RESF1: variants seen among roughly 807,000 people sequenced by gnomAD.
RESF1 encodes the protein gonad expressed transcript.
RESF1 carries 65 observed loss-of-function variants against 134.7 expected under a neutral mutation model. That is an observed-to-expected ratio of 0.48 (90% CI 0.40 to 0.59). RESF1 has a LOEUF of 0.59. RESF1 is among the 20% of genes least tolerant of loss of function. The pLI, the probability that RESF1 is intolerant of heterozygous loss-of-function variation, is 0.00. For synonymous variants in RESF1, 762 were observed against 702.2 expected, an observed-to-expected ratio of 1.09 and a Z score of -1.35; for missense variants, 2,274 against 2,002.7, an observed-to-expected ratio of 1.14 and a Z score of -2.59.
chr12:31,965,261 A>C (rs1007310456), intron 2 of RESF1, among the ~76,000 whole-genome samples: 17 of 151,936 alleles, frequency 1.1e-4, no homozygotes, highest in African/African-American at 4.1e-4. Flanking sequence ...CCTGCCGGCT[A>C]CTCCCTTTTC....
chr12:31,984,745 CAT>C lies in RESF1; in HGVS notation c.3792_3793del (p.His1264GlnfsTer18). 1 of 1,611,526 alleles carries C rather than the reference CAT, an allele frequency of 6.2e-7. No homozygotes were observed. The highest frequency in any genetic ancestry group is 8.5e-7 in the Non-Finnish European group (1 of 1,179,500). ...TAGAAAAGATACACCCAAAACAAAA[CAT>C]AAAAGCTTACCAAGGACAGAACAAG... ...DSRKDTPKTKHKSLPRTEQEL... is the reference protein window; with the variant it reads ...DSRKDTPKTKXKSLPRTEQEL... On this transcript the variant is annotated frameshift_variant, in exon 4 of 6. Transcript: ENST00000312561. LOFTEE classifies it high-confidence loss of function.
intron 1 of RESF1, 108 bp downstream of exon 1, chr12:31,959,599 G>A (rs186502710): frequency 5.3e-5 from 8 of 152,176 alleles, no homozygotes; most frequent in Non-Finnish European, 1.2e-4. Context: ...CCTGCGCGCG[G>A]CGCAGAGCGC....
Position 31,981,624 on chromosome 12 carries a change from A to G in RESF1, c.669A>G (p.Gln223=). ...CAAAGCTATACCGTTACTCACCACAAAGCTTTTTACCAGATTCTACCATTC... is the reference window on the plus strand; with the variant it reads ...CAAAGCTATACCGTTACTCACCACAGAGCTTTTTACCAGATTCTACCATTC... ...PPPKLYRYSP[Q]SFLPDSTIQK... is the part of the protein sequence containing the mutation. The change falls in exon 4 of 6, where the codon CAA becomes CAG. Residue 223 remains glutamine (Q), a synonymous_variant. Coordinates refer to ENST00000312561, the MANE Select transcript of RESF1 (RefSeq NM_018169.4). 6.2e-7 allele frequency: 1 copy of G among 1,614,094 alleles called. No homozygotes were observed. The highest frequency in any genetic ancestry group is 1.1e-5 in the South Asian group (1 of 91,076).
chr12:31,983,082 T>C lies in RESF1; in HGVS notation c.2127T>C (p.Ala709=), dbSNP rs767735499. 1 of 1,613,604 alleles carries C rather than the reference T, an allele frequency of 6.2e-7. No homozygotes were observed. The highest frequency in any genetic ancestry group is 8.5e-7 in the Non-Finnish European group (1 of 1,179,936). The change falls in exon 4 of 6, where the codon GCT becomes GCC. Residue 709 remains alanine, a synonymous_variant. Coordinates refer to ENST00000312561, the MANE Select transcript of RESF1 (RefSeq NM_018169.4). ...CAGCAGTTGGAATTTCAAAGCCTGC[T>C]AACATCCACGTTAAGAGTCCTTGTT... ...NTTAVGISKP[A]NIHVKSPCSV...
At position 31,981,441 on chromosome 12, in the gene RESF1, T is replaced by C. The variant is rs1939787903; in HGVS notation, c.486T>C (p.Tyr162=). Residue 162 remains tyrosine (Y), a synonymous_variant, in exon 4 of 6, where the codon TAT becomes TAC. Transcript: ENST00000312561. ...LQSQLITSDT[Y]SMQMQMIPSN... ...GTCAACTGATAACATCAGATACCTA[T>C]TCTATGCAAATGCAGATGATCCCTT... 1.2e-6 allele frequency: 2 copies of C among 1,614,038 alleles called. No individual in the cohort carries two copies. Among genetic ancestry groups the C allele is most frequent in the East Asian group, 2.2e-5 (1 of 44,888 alleles).
In RESF1 at chr12:31,981,106, A is replaced by G. The variant is rs762367962; in HGVS notation, c.151A>G (p.Met51Val). The change falls in exon 4 of 6, where the codon ATG becomes GTG. Residue 51 changes from methionine (M) to valine (V), a missense_variant. Met to Val is a conservative substitution (Grantham distance 21). Coordinates refer to ENST00000312561, the MANE Select transcript of RESF1 (RefSeq NM_018169.4). ...TCCTGGAAGTAACCAAGAAGCATGC[A>G]TGTATCCCGGTAATTCAAATCCAAT... ...SYPGSNQEAC[M>V]YPGNSNPISQ... is the part of the protein sequence containing the mutation. The G allele has an allele frequency of 2.3e-5, 37 of 1,614,078 alleles. No homozygotes were observed. Among genetic ancestry groups the G allele is most frequent in the African/African-American group, 1.3e-5 (1 of 74,944 alleles).
Position 31,984,747 on chromosome 12 carries a change from T to G in RESF1, c.3792T>G (p.His1264Gln). Residue 1264 changes from histidine (H) to glutamine (Q), a missense_variant, in exon 4 of 6, where the codon CAT (histidine) becomes CAG (glutamine). Transcript: ENST00000312561. ...DSRKDTPKTK[H>Q]KSLPRTEQEL... ...GAAAAGATACACCCAAAACAAAACA[T>G]AAAAGCTTACCAAGGACAGAACAAG... 1 of 1,611,524 alleles carries G rather than the reference T, an allele frequency of 6.2e-7. No homozygotes were observed.
intron 3 of RESF1, among the ~76,000 whole-genome samples, chr12:31,976,087 T>C (rs1016895663): frequency 4.6e-5 from 7 of 152,226 alleles, no homozygotes; most frequent in African/African-American, 1.4e-4. Flanking sequence ...CTTGCCAACA[T>C]GTGGTATTGA....
chr12:31,990,771 G>A (rs937804689), intron 5 of RESF1, among the ~76,000 whole-genome samples: 5 of 152,196 alleles, frequency 3.3e-5, no homozygotes, highest in Admixed American at 6.5e-5. Flanking sequence ...TATTAGGGGC[G>A]AGTGAAGCTG....
intron 3 of RESF1, among the ~76,000 whole-genome samples, chr12:31,980,541 T>C (rs993736221): frequency 1.3e-5 from 2 of 152,236 alleles, no homozygotes; most frequent in African/African-American, 2.4e-5. Flanking sequence ...AATTCTCATT[T>C]TTATTGTCAT....
At chr12:31,977,801 CTT>C (rs3075963) in intron 3 of RESF1, among the ~76,000 whole-genome samples, 19,728 of 123,442 alleles carry the variant, frequency 0.16, 1,507 homozygotes, top group African/African-American at 0.26. Context: ...TTCTTTCTTT[CTT>C]TTTTTTTTTT....
Position 31,981,950 on chromosome 12 carries a change from G to A in RESF1, c.995G>A (p.Ser332Asn). The A allele has an allele frequency of 6.2e-7, 1 of 1,614,172 alleles. No individual in the cohort carries two copies. Among genetic ancestry groups the A allele is most frequent in the Non-Finnish European group, 8.5e-7 (1 of 1,180,026 alleles). The change falls in exon 4 of 6, where the codon AGC (serine) becomes AAC (asparagine). Residue 332 changes from serine to asparagine, a missense_variant. By Grantham distance (46) the Ser-to-Asn change is conservative (BLOSUM62 1). Coordinates refer to ENST00000312561, the MANE Select transcript of RESF1 (RefSeq NM_018169.4). The part of the protein sequence containing the change: ...QQWQNPNENV[S>N]TIGNFTNLKV... ...TGGCAAAACCCTAATGAAAATGTCA[G>A]CACAATTGGAAATTTCACTAACTTG...
At position 31,992,418 on chromosome 12, in the gene RESF1, A is replaced by C. The variant is rs1234415752; in HGVS notation, c.5127A>C (p.Ala1709=). 1 of 1,613,760 alleles carries C rather than the reference A, an allele frequency of 6.2e-7. No homozygotes were observed. The highest frequency in any genetic ancestry group is 1.3e-5 in the African/African-American group (1 of 74,938). Residue 1709 remains alanine, a synonymous_variant, in exon 6 of 6, where the codon GCA becomes GCC. Transcript: ENST00000312561. ...GACTCTCGAAGAGAAGCTTCAGTGC[A>C]GATGGATTTGAGATGCTACAAAACC... ...NSRLSKRSFS[A]DGFEMLQNPV...
At chr12:31,977,687 G>A (rs917872503) in intron 3 of RESF1, among the ~76,000 whole-genome samples, 5 of 151,798 alleles carry the variant, frequency 3.3e-5, no homozygotes, top group Non-Finnish European at 5.9e-5. Flanking sequence ...GTATGTCTTC[G>A]CTATTCATGC....
At chr12:31,980,854 A>G in intron 3 of RESF1, 24 bp from the exon 4 acceptor site, 2 of 894,434 alleles carry the variant, frequency 2.2e-6, no homozygotes, top group Non-Finnish European at 3.4e-6. Flanking sequence ...CAGCATTTTA[A>G]TAAAATATCT....
intron 3 of RESF1, among the ~76,000 whole-genome samples, chr12:31,977,008 A>G (rs1407654034): frequency 6.6e-6 from 1 of 152,114 alleles, no homozygotes; most frequent in Non-Finnish European, 1.5e-5. Context: ...TCTCTTTGCT[A>G]TGTATTGCGA....
At position 31,981,540 on chromosome 12, in the gene RESF1, T is replaced by G; in HGVS notation, c.585T>G (p.Val195=). 1.2e-6 allele frequency: 2 copies of G among 1,614,134 alleles called. No homozygotes were observed. The highest frequency in any genetic ancestry group is 1.7e-6 in the Non-Finnish European group (2 of 1,179,972). Reference sequence around the variant, plus strand: ...ACCAGTCTTTTTCAGAGCAACAGGTTGATTGGACACAACAGTGTATATCTA... The same window carrying G: ...ACCAGTCTTTTTCAGAGCAACAGGTGGATTGGACACAACAGTGTATATCTA... ...GLNQSFSEQQ[V]DWTQQCISKG... is the part of the protein sequence containing the mutation. Residue 195 remains valine, a synonymous_variant, in exon 4 of 6, where the codon GTT becomes GTG. Transcript: ENST00000312561.
intron 2 of RESF1, among the ~76,000 whole-genome samples, chr12:31,965,642 C>A (rs1011815694): frequency 6.6e-6 from 1 of 152,150 alleles, no homozygotes; most frequent in Non-Finnish European, 1.5e-5. Context: ...TTTTGTCTAT[C>A]TCCAGTGGCA....
intron 2 of RESF1, 132 bp downstream of exon 2, chr12:31,961,003 T>G (rs1172669793): frequency 1.3e-5 from 2 of 152,226 alleles, no homozygotes; most frequent in Non-Finnish European, 2.9e-5. Flanking sequence ...TAAATTAAAC[T>G]GTGGGTCACA....
Sources: gnomAD v4.1 joint callset for allele counts (sites outside exome capture counted in the v4.1 genomes callset) on GRCh38, gnomAD v4.1.1 for gene constraint, MANE v1.5 for transcripts, NCBI Gene and HGNC (gene_info 2026-07-23, HGNC 2026-07-21) for gene names.